Variants in TPO observed in about 807,000 individuals in gnomAD.
The protein encoded by TPO is thyroid peroxidase.
Under a neutral mutation model 96.9 loss-of-function variants are expected in TPO, and 78 were observed. The ratio of observed to expected loss-of-function variants is 0.81; its 90% CI spans 0.67 to 0.97. The LOEUF (loss-of-function observed/expected upper bound fraction) is 0.97, where lower values mean the gene tolerates loss of function less well. Ranked by LOEUF, TPO falls within the 50% of genes least tolerant of loss-of-function variation. The probability of loss-of-function intolerance (pLI) is 0.00; values close to 1 mark genes in which losing one functional copy is unlikely to be tolerated. For synonymous variants in TPO, 547 were observed against 538.0 expected, an observed-to-expected ratio of 1.02 and a Z score of -0.23; for missense variants, 1,252 against 1,274.8, an observed-to-expected ratio of 0.98 and a Z score of 0.27.
chr2:1,537,586 ATCCCCCCAT>A (rs2125327569), intron 15 of TPO, among the ~76,000 whole-genome samples: 2 of 75,886 alleles, frequency 2.6e-5, no homozygotes, highest in Admixed American at 2.0e-4. Context: ...ACACCCCCAA[ATCCCCCCAT>A]TGTGTGCAAA....
At chr2:1,531,035 G>A (rs1392552765) in intron 15 of TPO, among the ~76,000 whole-genome samples, 1 of 102,882 alleles carries the variant, frequency 9.7e-6, no homozygotes, top group Non-Finnish European at 1.8e-5. Flanking sequence ...TTCCCACTGT[G>A]TGCAACCCCC....
At chr2:1,504,511 C>T (rs904131024) in intron 14 of TPO, among the ~76,000 whole-genome samples, 2 of 152,224 alleles carry the variant, frequency 1.3e-5, no homozygotes, top group Admixed American at 6.5e-5. Flanking sequence ...GTTCTCCCAC[C>T]TCCACCTCCG....
At chr2:1,503,903 G>T (rs771319337) in intron 13 of TPO, 45 bp from the exon 14 acceptor site, 4 of 1,614,032 alleles carry the variant, frequency 2.5e-6, no homozygotes, top group African/African-American at 1.3e-5. Flanking sequence ...GGAGATGGGG[G>T]TGCAGCCGCT....
intron 2 of TPO, among the ~76,000 whole-genome samples, chr2:1,421,722 T>G (rs1234536615): frequency 6.6e-6 from 1 of 152,184 alleles, no homozygotes; most frequent in African/African-American, 2.4e-5. Context: ...GTTCCCTGAT[T>G]CTTGAGAGCT....
intron 14 of TPO, among the ~76,000 whole-genome samples, chr2:1,515,824 T>C (rs1022953438): frequency 1.3e-5 from 2 of 152,152 alleles, no homozygotes; most frequent in African/African-American, 2.4e-5. Context: ...GGTACCTGAA[T>C]GTGCTCTCTT....
chr2:1,445,967 G>A (rs1340905770), intron 5 of TPO, among the ~76,000 whole-genome samples: 3 of 152,224 alleles, frequency 2.0e-5, no homozygotes, highest in African/African-American at 4.8e-5. Context: ...ATGGTACCAT[G>A]TTGGATAAGT....
At chr2:1,471,808 G>T (rs1022261407) in intron 7 of TPO, among the ~76,000 whole-genome samples, 4 of 152,166 alleles carry the variant, frequency 2.6e-5, no homozygotes, top group African/African-American at 7.2e-5. Flanking sequence ...GATTCACTGG[G>T]CACCCCGTTT....
In TPO at chr2:1,436,600, C is replaced by T. The variant is rs138796870; in HGVS notation, c.482+216C>T. Among the ~76,000 whole-genome samples, 253 of 152,320 alleles carry T rather than the reference C, an allele frequency of 1.7e-3. 1 individual carries two copies. The highest frequency in any genetic ancestry group is 5.8e-3 in the African/African-American group (241 of 41,568). ...ACTGTCATTCCCAGCCACAACGTCC[C>T]ATCCACATAGGTGCTTACAGGTGAC... On this transcript the variant is annotated intron_variant, in intron 5 of 16. Coordinates refer to ENST00000329066, the MANE Select transcript of TPO (RefSeq NM_001206744.2).
chr2:1,469,823 G>A (rs1401104210), intron 7 of TPO, among the ~76,000 whole-genome samples: 3 of 152,154 alleles, frequency 2.0e-5, no homozygotes, highest in Non-Finnish European at 2.9e-5. Flanking sequence ...GGTGTCTCCC[G>A]AGTCCTGCAG....
chr2:1,490,678 A>G (rs1051222726), intron 10 of TPO, among the ~76,000 whole-genome samples: 4 of 152,324 alleles, frequency 2.6e-5, no homozygotes, highest in African/African-American at 9.6e-5. Context: ...AATTCCAGCA[A>G]CTGGAGGCAT....
At chr2:1,439,034 C>A in intron 5 of TPO, 2 of 544,900 alleles carry the variant, frequency 3.7e-6, no homozygotes, top group Non-Finnish European at 6.6e-6. Flanking sequence ...CATGATCACT[C>A]AAAAAAAACT....
Position 1,524,194 on chromosome 2 carries a change from G to C in TPO, c.2618+7212G>C, listed in dbSNP as rs192680198. 2.4e-5 allele frequency among the ~76,000 whole-genome samples: 3 copies of C among 124,084 alleles called. No homozygotes were observed. The Admixed American group carries it at 2.8e-4, about 11-fold the overall frequency. 81.4% of individuals were successfully genotyped at this position (124,084 alleles called of 152,430 possible). A position where few individuals can be genotyped will look rare whatever the true frequency, so the allele number is the denominator to read the frequency against. On this transcript the variant is annotated intron_variant, in intron 15 of 16. Coordinates refer to ENST00000329066, the MANE Select transcript of TPO (RefSeq NM_001206744.2). ...TGCAACCTCCTCAAATCCCCATCCTGTGTGCAACCTCCTCAAATCCACCCC... is the reference window on the plus strand; with the variant it reads ...TGCAACCTCCTCAAATCCCCATCCTCTGTGCAACCTCCTCAAATCCACCCC...
rs140369767 is a variant in TPO, at chr2:1,503,126, C to T, written c.2387-822C>T. Among the ~76,000 whole-genome samples the T allele has an allele frequency of 3.3e-3, 502 of 152,312 alleles. 5 individuals carry two copies. The highest frequency in any genetic ancestry group is 0.012 in the African/African-American group (479 of 41,574). ...GGTGAGACTGGGGAGGGTCCCTCCA[C>T]CTCTCCCAGTGCTTTTGCTCTGTCT... On this transcript the variant is annotated intron_variant, in intron 13 of 16. Transcript: ENST00000329066.
chr2:1,435,229 G>A (rs770412245), intron 4 of TPO, among the ~76,000 whole-genome samples: 22 of 152,162 alleles, frequency 1.4e-4, no homozygotes, highest in Non-Finnish European at 2.9e-4. Flanking sequence ...CACCGTACCC[G>A]GCCAATGGTT....
At chr2:1,540,837 C>T (rs1434852503) in intron 16 of TPO, 114 bp downstream of exon 16, 16 of 1,583,106 alleles carry the variant, frequency 1.0e-5, no homozygotes, top group Non-Finnish European at 1.3e-5. Context: ...CTCCGTGTTT[C>T]CTAGTCCGTT....
chr2:1,541,362 G>GTTT (rs78541132), intron 16 of TPO: 35 of 201,648 alleles, frequency 1.7e-4, no homozygotes, highest in Non-Finnish European at 2.2e-4. Context: ...AAAACAATAG[G>GTTT]TTTTTTTTTT....
intron 14 of TPO, among the ~76,000 whole-genome samples, chr2:1,505,343 TGTGTCAGGCACACACCCCCACCCCC>T (rs1038253397): frequency 3.4e-5 from 5 of 148,594 alleles, no homozygotes; most frequent in African/African-American, 7.5e-5. Context: ...CCCACCAGCT[TGTGTCAGGCACACACCCCCACCCCC>T]GTGTCAGGCA....
intron 11 of TPO, among the ~76,000 whole-genome samples, chr2:1,494,881 C>A (rs1458998673): frequency 6.6e-6 from 1 of 152,168 alleles, no homozygotes; most frequent in African/African-American, 2.4e-5. Flanking sequence ...CCCAGTGTGA[C>A]TTTTATCTCT....
chr2:1,461,217 G>A (rs1021473190), intron 7 of TPO, among the ~76,000 whole-genome samples: 9 of 152,268 alleles, frequency 5.9e-5, no homozygotes, highest in African/African-American at 2.2e-4. Flanking sequence ...CCAGGGTCAC[G>A]TGATGGTTGT....
Sources: allele counts gnomAD v4.1 joint callset (sites outside exome capture counted in the v4.1 genomes callset), GRCh38; gene constraint gnomAD v4.1.1; transcripts MANE v1.5; gene names NCBI Gene and HGNC (gene_info 2026-07-23, HGNC 2026-07-21).